CCNY: variants seen among roughly 807,000 people sequenced by gnomAD.
The protein encoded by CCNY is cyclin-Y.
In CCNY, 19 loss-of-function variants were observed where a neutral mutation model predicts 42.8. The observed-to-expected ratio is 0.44, with a 90% CI of 0.31 to 0.65. The LOEUF (loss-of-function observed/expected upper bound fraction) is 0.65. CCNY is among the 30% of genes least tolerant of loss of function. The pLI is 0.07. For missense variants in CCNY, 370 were observed against 437.3 expected, an observed-to-expected ratio of 0.85 and a Z score of 1.37; for synonymous variants, 165 against 162.7, an observed-to-expected ratio of 1.01 and a Z score of -0.11.
In CCNY at chr10:35,572,642, TTAAA is replaced by T. The variant is rs1841710458; in HGVS notation, c.*3479_*3482del. 2 of 152,224 alleles carry T rather than the reference TTAAA, an allele frequency of 1.3e-5. No individual in the cohort carries two copies. Among genetic ancestry groups the T allele is most frequent in the Non-Finnish European group, 2.9e-5 (2 of 68,040 alleles). The allele number at this position is 152,224 out of a possible 1,614,324, so 9.4% of individuals were successfully genotyped here. A position where few individuals can be genotyped will look rare whatever the true frequency, so the allele number is the denominator to read the frequency against. On this transcript the variant is annotated 3_prime_UTR_variant, in exon 10 of 10. Transcript: ENST00000374704. ...GGTTATTGTAGGTATTTAATAAATG[TTAAA>T]TAAATATATACATAGAACAAAGTAG...
At chr10:35,478,759 C>T (rs1839583025) in intron 1 of CCNY, among the ~76,000 whole-genome samples, 3 of 152,154 alleles carry the variant, frequency 2.0e-5, no homozygotes, top group Admixed American at 2.0e-4. Flanking sequence ...ACACCAAAAG[C>T]AATGGCAACA....
intron 1 of CCNY, among the ~76,000 whole-genome samples, chr10:35,376,639 A>G (rs1314452375): frequency 1.3e-5 from 2 of 152,212 alleles, no homozygotes; most frequent in Non-Finnish European, 2.9e-5. Context: ...CCCAAATCCG[A>G]AAAAGCCTTT....
intron 8 of CCNY, among the ~76,000 whole-genome samples, chr10:35,563,827 C>G (rs1043358957): frequency 6.6e-6 from 1 of 151,928 alleles, no homozygotes; most frequent in Non-Finnish European, 1.5e-5. Context: ...CTGCCTCACC[C>G]TCCTGAGTAG....
chr10:35,274,981 C>T (rs1835220192), intron 3 of CCNY, among the ~76,000 whole-genome samples: 1 of 151,544 alleles, frequency 6.6e-6, no homozygotes, highest in Non-Finnish European at 1.5e-5. Flanking sequence ...ATGACAGAGA[C>T]CACTAGCCAT....
At chr10:35,474,349 C>T (rs1839457860) in intron 1 of CCNY, among the ~76,000 whole-genome samples, 1 of 152,222 alleles carries the variant, frequency 6.6e-6, no homozygotes, top group Admixed American at 6.5e-5. Flanking sequence ...GGGCAGGGCA[C>T]AGACAAACAA....
chr10:35,501,559 T>C (rs1338062639), intron 3 of CCNY, 24 bp downstream of exon 3: 1 of 1,604,092 alleles, frequency 6.2e-7, no homozygotes, highest in African/African-American at 1.3e-5. Context: ...TCTCCCTGTG[T>C]TCTTCATAAT....
intron 1 of CCNY, 49 bp from the exon 2 acceptor site, chr10:35,483,355 T>C (rs926883030): frequency 8.2e-7 from 1 of 1,219,156 alleles, no homozygotes; most frequent in South Asian, 1.3e-5. Context: ...TTGATTCCTC[T>C]TAGTTATCAG....
chr10:35,522,867 A>G (rs1840577233), intron 4 of CCNY, among the ~76,000 whole-genome samples: 1 of 152,312 alleles, frequency 6.6e-6, no homozygotes, highest in South Asian at 2.1e-4. Flanking sequence ...GTCCCAGGAC[A>G]TGTTTGCCTT....
At chr10:35,259,339 G>T (rs535587997) in intron 3 of CCNY, among the ~76,000 whole-genome samples, 6 of 151,992 alleles carry the variant, frequency 3.9e-5, no homozygotes, top group Admixed American at 2.6e-4. Context: ...TCAGCCTCTT[G>T]AGTAGCTAGG....
Position 35,328,604 on chromosome 10 carries a change from C to T in CCNY, c.-9+77978C>T, listed in dbSNP as rs115779213. ...GAGGTTATATTACATCATGGAGAAACACTGCAGGCAGAACCAACTACAACT... is the reference window on the plus strand; with the variant it reads ...GAGGTTATATTACATCATGGAGAAATACTGCAGGCAGAACCAACTACAACT... On this transcript the variant is annotated intron_variant, in intron 3 of 11. Transcript: ENST00000374706. Among the ~76,000 whole-genome samples the T allele has an allele frequency of 6.8e-3, 1,042 of 152,276 alleles. 11 individuals carry two copies. The highest frequency in any genetic ancestry group is 0.024 in the African/African-American group (994 of 41,556).
chr10:35,486,778 C>T (rs894558952), intron 2 of CCNY, among the ~76,000 whole-genome samples: 1 of 152,218 alleles, frequency 6.6e-6, no homozygotes, highest in African/African-American at 2.4e-5. Context: ...GAATCACTTG[C>T]TTCCTCAAGT....
In CCNY at chr10:35,373,395, C is replaced by T. The variant is rs111578830; in HGVS notation, c.154+36188C>T. On this transcript the variant is annotated intron_variant, in intron 1 of 9. Coordinates refer to ENST00000374704, the MANE Select transcript of CCNY (RefSeq NM_145012.6). ...CACCCAGCAGTGTTGGGTTGAGCAC[C>T]TGGATGGATGGTGAGTGGTGGAGGA... is the stretch of plus-strand genomic sequence containing the variant. Among the ~76,000 whole-genome samples, 511 of 152,290 alleles carry T rather than the reference C, an allele frequency of 3.4e-3. 4 individuals are homozygous for T. Among genetic ancestry groups the T allele is most frequent in the African/African-American group, 0.012 (481 of 41,554 alleles).
chr10:35,292,226 T>C (rs777202874), intron 3 of CCNY, among the ~76,000 whole-genome samples: 1 of 152,210 alleles, frequency 6.6e-6, no homozygotes, highest in Non-Finnish European at 1.5e-5. Context: ...TATTGAGTTA[T>C]AAGAGTTCTT....
rs1370903192 is a variant in CCNY, at chr10:35,483,415, G to A, written c.166G>A (p.Glu56Lys). The A allele has an allele frequency of 3.7e-6, 6 of 1,602,484 alleles. No homozygotes were observed. In the East Asian group the frequency reaches 1.3e-4, roughly 36 times the overall value. ...DRENIDDLNMEFNPSDHPRAS... is the reference protein window; with the variant it reads ...DRENIDDLNMKFNPSDHPRAS... ...TCCTTTCTTTAAAGATTTGAACATG[G>A]AATTCAATCCTTCAGATCATCCTCG... Residue 56 changes from glutamate (E) to lysine (K), a missense_variant, in exon 2 of 10, where the codon GAA becomes AAA. Coordinates refer to ENST00000374704, the MANE Select transcript of CCNY (RefSeq NM_145012.6).
intron 5 of CCNY, 80 bp from the exon 6 acceptor site, chr10:35,529,893 G>T (rs1392891973): frequency 6.1e-5 from 75 of 1,232,118 alleles, no homozygotes; most frequent in Non-Finnish European, 6.1e-5. Flanking sequence ...AAAAGTCATT[G>T]AATTAAAATG....
At chr10:35,425,497 T>G (rs1838246672) in intron 1 of CCNY, among the ~76,000 whole-genome samples, 1 of 152,200 alleles carries the variant, frequency 6.6e-6, no homozygotes, top group African/African-American at 2.4e-5. Context: ...AATAGAATAT[T>G]AGTTGAGTTA....
At chr10:35,568,095 G>A (rs968801298) in intron 9 of CCNY, among the ~76,000 whole-genome samples, 4 of 152,178 alleles carry the variant, frequency 2.6e-5, no homozygotes, top group Admixed American at 6.5e-5. Context: ...GGAGCTCCTG[G>A]CAGCTACACA....
chr10:35,476,876 T>C (rs1470852587), intron 1 of CCNY, among the ~76,000 whole-genome samples: 2 of 151,886 alleles, frequency 1.3e-5, no homozygotes, highest in Non-Finnish European at 2.9e-5. Context: ...TCAACAAAAT[T>C]GATAGACCAC....
chr10:35,355,879 C>T (rs1341049399), intron 1 of CCNY, among the ~76,000 whole-genome samples: 4 of 151,552 alleles, frequency 2.6e-5, no homozygotes, highest in Non-Finnish European at 5.9e-5. Context: ...GTTCTTATGC[C>T]ATGAACATCT....
Sources: gnomAD v4.1 joint callset for allele counts (sites outside exome capture counted in the v4.1 genomes callset) on GRCh38, gnomAD v4.1.1 for gene constraint, MANE v1.5 for transcripts, NCBI Gene and HGNC (gene_info 2026-07-23, HGNC 2026-07-21) for gene names.